HPSE2: variants seen among roughly 807,000 people sequenced by gnomAD.
HPSE2 encodes heparanase 2 (inactive), also known as inactive heparanase-2.
Under a neutral mutation model 60.5 loss-of-function variants are expected in HPSE2, and 38 were observed. The ratio of observed to expected loss-of-function variants is 0.63; its 90% CI spans 0.48 to 0.82. The LOEUF (loss-of-function observed/expected upper bound fraction) is 0.82, where lower values mean the gene tolerates loss of function less well. HPSE2 is among the 40% of genes least tolerant of loss of function. HPSE2 has a pLI of 0.00. For missense variants in HPSE2, 713 were observed against 740.4 expected, an observed-to-expected ratio of 0.96 and a Z score of 0.43; for synonymous variants, 295 against 293.2, an observed-to-expected ratio of 1.01 and a Z score of -0.06.
chr10:98,862,632 C>A (rs890952204), intron 3 of HPSE2, among the ~76,000 whole-genome samples: 2 of 152,098 alleles, frequency 1.3e-5, no homozygotes, highest in South Asian at 2.1e-4. Flanking sequence ...AGAGAAGAAT[C>A]CCTATAGAAG....
intron 6 of HPSE2, among the ~76,000 whole-genome samples, chr10:98,669,528 A>G (rs544038109): frequency 1.3e-5 from 2 of 152,364 alleles, no homozygotes; most frequent in African/African-American, 4.8e-5. Context: ...TTTGGTACAT[A>G]TACAGCATGA....
chr10:99,152,309 T>G (rs1235861513), intron 2 of HPSE2, among the ~76,000 whole-genome samples: 1 of 89,884 alleles, frequency 1.1e-5, no homozygotes, highest in Admixed American at 1.4e-4. Context: ...AGACTCCACC[T>G]CAAAAAAAAA....
chr10:98,495,354 G>A (rs186989234), intron 9 of HPSE2, among the ~76,000 whole-genome samples: 32 of 152,178 alleles, frequency 2.1e-4, no homozygotes, highest in Admixed American at 2.1e-3. Context: ...GTGTCTTGGT[G>A]TGGGTCTCTT....
chr10:98,600,352 A>G (rs1359726552), intron 9 of HPSE2, among the ~76,000 whole-genome samples: 1 of 152,220 alleles, frequency 6.6e-6, no homozygotes, highest in Admixed American at 6.5e-5. Flanking sequence ...AGCGTCAAGA[A>G]AGAGTTGGTG....
intron 11 of HPSE2, among the ~76,000 whole-genome samples, chr10:98,480,101 T>G (rs1196716523): frequency 2.0e-5 from 3 of 151,886 alleles, no homozygotes; most frequent in Non-Finnish European, 2.9e-5. Flanking sequence ...ACATTTTTTT[T>G]TTTTTGAGGC....
At chr10:98,921,194 G>T (rs1954272899) in intron 3 of HPSE2, among the ~76,000 whole-genome samples, 1 of 152,104 alleles carries the variant, frequency 6.6e-6, no homozygotes, top group South Asian at 2.1e-4. Flanking sequence ...GACTAAATGG[G>T]CCAAGGCAGA....
intron 3 of HPSE2, among the ~76,000 whole-genome samples, chr10:99,143,861 A>G (rs1177343173): frequency 6.6e-6 from 1 of 152,132 alleles, no homozygotes. Context: ...GAAGACCATT[A>G]TCTCTTTTAC....
At chr10:99,202,116 T>C (rs1240443006) in intron 2 of HPSE2, among the ~76,000 whole-genome samples, 1 of 152,156 alleles carries the variant, frequency 6.6e-6, no homozygotes, top group African/African-American at 2.4e-5. Flanking sequence ...TATAGATAGA[T>C]AGAGATATAG....
At position 98,897,677 on chromosome 10, in the gene HPSE2, A is replaced by G. The variant is rs1953533278; in HGVS notation, c.611-153621T>C. Among the ~76,000 whole-genome samples, 3 of 152,248 alleles carry G rather than the reference A, an allele frequency of 2.0e-5. No homozygotes were observed. In the South Asian group the frequency reaches 6.2e-4, roughly 32 times the overall value. ...CAATAAAAAACAAAGCTAGATTCAG[A>G]TCTCATACCCTTCACAAAAATTAAC... On this transcript the variant is annotated intron_variant, in intron 3 of 11. Coordinates refer to ENST00000370552, the MANE Select transcript of HPSE2 (RefSeq NM_021828.5).
chr10:98,887,056 C>G (rs776763433), intron 3 of HPSE2, among the ~76,000 whole-genome samples: 2 of 152,098 alleles, frequency 1.3e-5, no homozygotes, highest in Non-Finnish European at 2.9e-5. Flanking sequence ...GAAGCTGTCA[C>G]AAAAAGTCAC....
At chr10:98,639,777 C>T (rs1946591212) in intron 7 of HPSE2, among the ~76,000 whole-genome samples, 1 of 152,174 alleles carries the variant, frequency 6.6e-6, no homozygotes, top group African/African-American at 2.4e-5. Flanking sequence ...TAACCTACAG[C>T]CACTTGCTAT....
At chr10:98,960,143 C>T (rs183450596) in intron 3 of HPSE2, among the ~76,000 whole-genome samples, 17 of 152,232 alleles carry the variant, frequency 1.1e-4, no homozygotes, top group African/African-American at 2.9e-4. Flanking sequence ...CATGAAATAA[C>T]ATTGAATCAC....
the HPSE2 span, among the ~76,000 whole-genome samples, chr10:99,286,312 A>G: frequency 6.6e-6 from 1 of 152,248 alleles, no homozygotes; most frequent in Non-Finnish European, 1.5e-5. Flanking sequence ...GAAGGTGAAT[A>G]TGATCCACGT....
chr10:99,021,525 G>A (rs185874125), intron 3 of HPSE2, among the ~76,000 whole-genome samples: 87 of 151,904 alleles, frequency 5.7e-4, no homozygotes, highest in Admixed American at 1.3e-3. Context: ...AGAGCGTCTC[G>A]CTAAGGGTCC....
At chr10:98,595,417 G>A (rs950584268) in intron 9 of HPSE2, among the ~76,000 whole-genome samples, 4 of 152,000 alleles carry the variant, frequency 2.6e-5, no homozygotes, top group African/African-American at 9.7e-5. Flanking sequence ...TGATCCACCC[G>A]CCTCAGCCTC....
intron 9 of HPSE2, among the ~76,000 whole-genome samples, chr10:98,600,063 A>T (rs1354123355): frequency 6.6e-6 from 1 of 152,116 alleles, no homozygotes; most frequent in Non-Finnish European, 1.5e-5. Context: ...TGCACCAGTG[A>T]TTTTCTACTC....
At chr10:98,945,709 G>A (rs941320293) in intron 3 of HPSE2, among the ~76,000 whole-genome samples, 4 of 152,096 alleles carry the variant, frequency 2.6e-5, no homozygotes, top group African/African-American at 9.7e-5. Flanking sequence ...GGAATTCTGG[G>A]TAATTACTTT....
At chr10:98,991,746 G>T (rs139981386) in intron 3 of HPSE2, among the ~76,000 whole-genome samples, 40 of 152,110 alleles carry the variant, frequency 2.6e-4, no homozygotes, top group African/African-American at 9.2e-4. Context: ...GAGAATAGGA[G>T]AATGCGTGGT....
At chr10:99,233,142 G>A (rs17111328) in intron 1 of HPSE2, among the ~76,000 whole-genome samples, 3,079 of 152,146 alleles carry the variant, frequency 0.02, 113 homozygotes, top group East Asian at 0.15. Context: ...CCAAATCCCC[G>A]GACGGAGAGA....
Sources: allele counts gnomAD v4.1 joint callset (sites outside exome capture counted in the v4.1 genomes callset), GRCh38; gene constraint gnomAD v4.1.1; transcripts MANE v1.5; gene names NCBI Gene and HGNC (gene_info 2026-07-23, HGNC 2026-07-21).